SLC4A10: variants seen among roughly 807,000 people sequenced by gnomAD.
The protein encoded by SLC4A10 is solute carrier family 4 member 10, also known as sodium-driven chloride bicarbonate exchanger.
A neutral mutation model predicts 137.7 loss-of-function variants in SLC4A10; 42 were observed. The observed-to-expected ratio is 0.30, with a 90% CI of 0.24 to 0.39. The LOEUF is 0.39. Among genes scored for constraint, SLC4A10 ranks in the 10% least tolerant of loss-of-function variants. The pLI is 1.00. For missense variants in SLC4A10, 925 were observed against 1,355.0 expected (o/e 0.68, Z 4.98); for synonymous variants, 474 against 464.1 (o/e 1.02, Z -0.27).
intron 16 of SLC4A10, among the ~76,000 whole-genome samples, chr2:161,944,963 G>A (rs1693467998): frequency 1.3e-5 from 2 of 150,848 alleles, no homozygotes; most frequent in Admixed American, 1.3e-4. Flanking sequence ...GTCCTGTAAT[G>A]TTTTATTGAG....
At chr2:161,708,685 T>C (rs2043949711) in intron 1 of SLC4A10, 13 of 1,505,670 alleles carry the variant, frequency 8.6e-6, no homozygotes, top group Admixed American at 4.5e-5. Context: ...TTGATATTTT[T>C]TTCACTAGCC....
chr2:161,753,377 C>CT (rs1221453252), intron 1 of SLC4A10, among the ~76,000 whole-genome samples: 1 of 152,144 alleles, frequency 6.6e-6, no homozygotes, highest in Non-Finnish European at 1.5e-5. Context: ...TTCAAAAACT[C>CT]TTATCTCTTC....
chr2:161,804,421 T>C (rs1381178309), intron 2 of SLC4A10, 28 bp from the exon 3 acceptor site: 1 of 1,600,526 alleles, frequency 6.2e-7, no homozygotes, highest in South Asian at 1.1e-5. Flanking sequence ...ATTCAGAGTT[T>C]AATTTGTGGG....
chr2:161,854,296 G>A (rs536856380), intron 4 of SLC4A10, among the ~76,000 whole-genome samples: 5 of 152,196 alleles, frequency 3.3e-5, no homozygotes, highest in African/African-American at 1.2e-4. Flanking sequence ...GACAATCTAG[G>A]TATTACTATT....
rs1481740307 is a variant in SLC4A10 at position 161,767,186 on chromosome 2, G to A, written c.49-3787G>A. On this transcript the variant is annotated intron_variant, in intron 1 of 26. Transcript: ENST00000446997. ...GTGTTTTATTTATATATATGTGTGT[G>A]TGTGTGTGTGTGTGTGTATATATAT... Among the ~76,000 whole-genome samples, 48 of 97,666 alleles carry A rather than the reference G, an allele frequency of 4.9e-4. 1 individual carries two copies. The highest frequency in any genetic ancestry group is 2.9e-3 in the East Asian group (12 of 4,174). The allele number at this position is 97,666 out of a possible 152,430, so 64.1% of individuals were successfully genotyped here. A position where few individuals can be genotyped will look rare whatever the true frequency, so the allele number is the denominator to read the frequency against.
intron 1 of SLC4A10, among the ~76,000 whole-genome samples, chr2:161,699,685 A>G (rs911143855): frequency 3.9e-5 from 6 of 152,174 alleles, no homozygotes; most frequent in Non-Finnish European, 7.4e-5. Flanking sequence ...AAAATTGAGG[A>G]TTAAAGGGCT....
Position 161,804,609 on chromosome 2 carries a change from T to C in SLC4A10, c.277+14T>C. On this transcript the variant is annotated intron_variant, in intron 3 of 26. Coordinates refer to ENST00000446997, the MANE Select transcript of SLC4A10 (RefSeq NM_001178015.2). ...CACCTTCTTTTGGTAAGAATCCTTC[T>C]CCTTGTTTTTATTAAGTTAATTATT... 6.3e-7 allele frequency: 1 copy of C among 1,594,296 alleles called. No homozygotes were observed. The highest frequency in any genetic ancestry group is 2.3e-5 in the East Asian group (1 of 44,196).
intron 1 of SLC4A10, among the ~76,000 whole-genome samples, chr2:161,769,990 A>C (rs569371397): frequency 6.6e-6 from 1 of 152,088 alleles, no homozygotes; most frequent in African/African-American, 2.4e-5. Flanking sequence ...TTAATTTTTT[A>C]AAAAATTTCT....
At chr2:161,905,375 G>A (rs888379212) in intron 14 of SLC4A10, among the ~76,000 whole-genome samples, 2 of 152,092 alleles carry the variant, frequency 1.3e-5, no homozygotes, top group Non-Finnish European at 2.9e-5. Flanking sequence ...AGAATCTAAC[G>A]TCCCCACTGA....
intron 1 of SLC4A10, among the ~76,000 whole-genome samples, chr2:161,679,288 G>A (rs1386511471): frequency 1.3e-5 from 2 of 152,052 alleles, no homozygotes; most frequent in African/African-American, 2.4e-5. Flanking sequence ...CTGGCCCATA[G>A]TCTAAGGTAA....
intron 17 of SLC4A10, 115 bp downstream of exon 17, chr2:161,947,842 G>A: frequency 8.6e-7 from 1 of 1,158,648 alleles, no homozygotes; most frequent in Non-Finnish European, 1.2e-6. Context: ...TGCCAGGTTA[G>A]TTGTGGAGTG....
chr2:161,793,304 A>T (rs1239036871), intron 2 of SLC4A10, among the ~76,000 whole-genome samples: 3 of 152,172 alleles, frequency 2.0e-5, no homozygotes, highest in South Asian at 2.1e-4. Context: ...TAGTGAAAAT[A>T]CTTATCCACT....
At chr2:161,843,990 G>T (rs1489749452) in intron 4 of SLC4A10, among the ~76,000 whole-genome samples, 2 of 152,018 alleles carry the variant, frequency 1.3e-5, no homozygotes, top group Non-Finnish European at 2.9e-5. Flanking sequence ...AACCCTAAAA[G>T]AAGCCATATG....
At chr2:161,813,121 AT>A (rs1050492378) in intron 3 of SLC4A10, among the ~76,000 whole-genome samples, 1 of 151,688 alleles carries the variant, frequency 6.6e-6, no homozygotes, top group Non-Finnish European at 1.5e-5. Context: ...AAAGTAGACA[AT>A]TTTCAGAGCT....
intron 23 of SLC4A10, among the ~76,000 whole-genome samples, chr2:161,971,222 G>C (rs183627510): frequency 4.3e-4 from 65 of 152,312 alleles, no homozygotes; most frequent in Non-Finnish European, 6.3e-4. Context: ...ATAAATATTT[G>C]AGTGTTCTGG....
chr2:161,839,522 A>C (rs150293623), intron 3 of SLC4A10, among the ~76,000 whole-genome samples: 288 of 152,024 alleles, frequency 1.9e-3, no homozygotes, highest in African/African-American at 6.8e-3. Flanking sequence ...AATAATAATC[A>C]TATTTTATTT....
intron 15 of SLC4A10, among the ~76,000 whole-genome samples, chr2:161,923,686 A>C (rs1034604214): frequency 1.3e-5 from 2 of 149,880 alleles, no homozygotes; most frequent in Non-Finnish European, 3.0e-5. Flanking sequence ...GGGTGGGGGG[A>C]GTGGGGAAGG....
intron 1 of SLC4A10, among the ~76,000 whole-genome samples, chr2:161,765,036 G>T (rs1365290097): frequency 1.3e-5 from 2 of 152,046 alleles, no homozygotes; most frequent in African/African-American, 4.8e-5. Flanking sequence ...CTTTACCAGT[G>T]CTTTTCAACT....
At chr2:161,673,872 C>G (rs915355598) in intron 1 of SLC4A10, among the ~76,000 whole-genome samples, 1 of 152,144 alleles carries the variant, frequency 6.6e-6, no homozygotes, top group African/African-American at 2.4e-5. Context: ...CACCGGTAGT[C>G]TCAGCTATTC....
Sources: gnomAD v4.1 joint callset for allele counts (sites outside exome capture counted in the v4.1 genomes callset) on GRCh38, gnomAD v4.1.1 for gene constraint, MANE v1.5 for transcripts, NCBI Gene and HGNC (gene_info 2026-07-23, HGNC 2026-07-21) for gene names.